The following SLC37A1 variants were observed in gnomAD, a reference collection of about 807,000 sequenced individuals.
SLC37A1 encodes solute carrier family 37 member 1.
Under a neutral mutation model 75.3 loss-of-function variants are expected in SLC37A1, and 49 were observed. The ratio of observed to expected loss-of-function variants is 0.65; its 90% CI spans 0.52 to 0.83. The LOEUF is 0.83. Ranked by LOEUF, SLC37A1 falls within the 40% of genes least tolerant of loss-of-function variation. The pLI, the probability that SLC37A1 is intolerant of heterozygous loss-of-function variation, is 0.00. For missense variants in SLC37A1, 566 were observed against 695.0 expected (o/e 0.81, Z 2.09); for synonymous variants, 268 against 292.1 (o/e 0.92, Z 0.84).
chr21:42,524,781 T>A (rs1364138364), intron 2 of SLC37A1, among the ~76,000 whole-genome samples: 1 of 152,236 alleles, frequency 6.6e-6, no homozygotes, highest in Non-Finnish European at 1.5e-5. Flanking sequence ...ATAAGAAACA[T>A]GCTTTTGGTC....
chr21:42,580,485 G>C lies in SLC37A1; in HGVS notation c.*125G>C. The stretch of plus-strand genomic sequence containing the variant: ...CCCTTTGCCTTTTGCACACGCACCT[G>C]GAAAAGACACAGAAGCCAACCTGAG... On this transcript the variant is annotated 3_prime_UTR_variant, in exon 20 of 20. Coordinates refer to ENST00000352133, the MANE Select transcript of SLC37A1 (RefSeq NM_001320537.2). 1.9e-6 allele frequency: 2 copies of C among 1,067,912 alleles called. No individual in the cohort carries two copies. Among genetic ancestry groups the C allele is most frequent in the Non-Finnish European group, 2.7e-6 (2 of 743,540 alleles). 66.2% of individuals were successfully genotyped at this position (1,067,912 alleles called of 1,614,324 possible). A position where few individuals can be genotyped will look rare whatever the true frequency, so the allele number is the denominator to read the frequency against.
chr21:42,566,889 C>T, intron 15 of SLC37A1, 96 bp from the exon 16 acceptor site: 1 of 1,254,472 alleles, frequency 8.0e-7, no homozygotes, highest in Admixed American at 2.0e-5. Flanking sequence ...TGCATCCCCT[C>T]CCTGTGCTCC....
At chr21:42,573,693 C>T (rs1016739062) in intron 17 of SLC37A1, among the ~76,000 whole-genome samples, 18 of 151,952 alleles carry the variant, frequency 1.2e-4, no homozygotes, top group Admixed American at 5.9e-4. Context: ...GTGCCTAGGG[C>T]ATGAAAGACC....
intron 6 of SLC37A1, among the ~76,000 whole-genome samples, chr21:42,540,224 G>T (rs2055242435): frequency 6.6e-6 from 1 of 152,258 alleles, no homozygotes; most frequent in African/African-American, 2.4e-5. Context: ...TTCCACCTAG[G>T]TCTGTCCACA....
chr21:42,562,784 G>A (rs2055865892), intron 12 of SLC37A1, among the ~76,000 whole-genome samples: 1 of 63,080 alleles, frequency 1.6e-5, no homozygotes, highest in Non-Finnish European at 4.0e-5. Flanking sequence ...AGAGGAAGCG[G>A]GGATGGTCCA....
intron 17 of SLC37A1, among the ~76,000 whole-genome samples, chr21:42,573,441 G>A (rs1023240137): frequency 2.0e-5 from 3 of 152,172 alleles, no homozygotes; most frequent in Non-Finnish European, 2.9e-5. Flanking sequence ...GAACACTGGA[G>A]GCTGTGTTAG....
chr21:42,558,300 GT>G (rs2055741798), intron 10 of SLC37A1, among the ~76,000 whole-genome samples: 1 of 152,118 alleles, frequency 6.6e-6, no homozygotes, highest in African/African-American at 2.4e-5. Flanking sequence ...AATAATGTTG[GT>G]GTATTTTAAA....
Position 42,563,763 on chromosome 21 carries a change from C to T in SLC37A1, c.1073-52C>T, listed in dbSNP as rs1418055393. The T allele has an allele frequency of 7.7e-6, 12 of 1,565,576 alleles. No individual in the cohort carries two copies. In the African/African-American group the frequency reaches 9.5e-5, roughly 12 times the overall value. On this transcript the variant is annotated intron_variant, in intron 12 of 19. Transcript: ENST00000352133. ...CCTGTTCTGCCATGGTGTGTCGCTG[C>T]GATGCGTGAAGGAGATCCTCACTGT...
chr21:42,503,851 G>T (rs560223648), intron 2 of SLC37A1, among the ~76,000 whole-genome samples: 16 of 152,168 alleles, frequency 1.1e-4, no homozygotes, highest in African/African-American at 3.6e-4. Flanking sequence ...TTTTAAACTG[G>T]ACTGGTAATT....
intron 17 of SLC37A1, among the ~76,000 whole-genome samples, chr21:42,574,237 A>C (rs1038316195): frequency 2.0e-5 from 3 of 152,228 alleles, no homozygotes; most frequent in Non-Finnish European, 4.4e-5. Flanking sequence ...TCTTATTCAA[A>C]TTTTACCCAG....
At chr21:42,554,443 C>G (rs2055633450) in intron 10 of SLC37A1, among the ~76,000 whole-genome samples, 1 of 152,100 alleles carries the variant, frequency 6.6e-6, no homozygotes, top group Admixed American at 6.5e-5. Context: ...GAGACATCCC[C>G]CAAGCGGTGC....
rs1213631150 is a variant in SLC37A1 at position 42,514,751 on chromosome 21, A to G, written c.-179+34A>G. On this transcript the variant is annotated intron_variant, in intron 1 of 19. Coordinates refer to ENST00000352133, the MANE Select transcript of SLC37A1 (RefSeq NM_001320537.2). This position sits in a 1 kb window ranked among gnomAD's most constrained non-coding sequence, Gnocchi z 4.8. ...AGTCTAAGGATTTGCATTTGAACGA[A>G]GGATACTGGCCAAGCCCCTTACCAC... is the stretch of plus-strand genomic sequence containing the variant. 2 of 152,188 alleles carry G rather than the reference A, an allele frequency of 1.3e-5. No homozygotes were observed. Among genetic ancestry groups the G allele is most frequent in the Non-Finnish European group, 2.9e-5 (2 of 68,050 alleles). 9.4% of individuals were successfully genotyped at this position (152,188 alleles called of 1,614,324 possible).
intron 15 of SLC37A1, among the ~76,000 whole-genome samples, chr21:42,566,570 T>C (rs1569035668): frequency 6.6e-6 from 1 of 151,562 alleles, no homozygotes; most frequent in Non-Finnish European, 1.5e-5. Flanking sequence ...CGGAATTTCC[T>C]GTGACCCCCC....
chr21:42,539,446 C>A, intron 5 of SLC37A1, 66 bp from the exon 6 acceptor site: 1 of 1,532,466 alleles, frequency 6.5e-7, no homozygotes. Context: ...CAAGAAACAG[C>A]CACGAGGTTG....
At chr21:42,527,424 T>C (rs1020629220) in intron 3 of SLC37A1, among the ~76,000 whole-genome samples, 2 of 152,098 alleles carry the variant, frequency 1.3e-5, no homozygotes, top group African/African-American at 4.8e-5. Context: ...TGTGTAGTGG[T>C]GTCCAGGCCA....
chr21:42,513,813 A>G (rs1193058420), upstream of SLC37A1: 1 of 145,000 alleles, frequency 6.9e-6, no homozygotes, highest in East Asian at 2.0e-4. Context: ...GGGCCAGGGA[A>G]AGTGAAAGGG....
upstream of SLC37A1, among the ~76,000 whole-genome samples, chr21:42,511,495 A>G (rs554279507): frequency 1.3e-4 from 20 of 152,336 alleles, no homozygotes; most frequent in Non-Finnish European, 7.3e-5. Context: ...GTACAGAAAA[A>G]CAAATATAGG....
intron 8 of SLC37A1, among the ~76,000 whole-genome samples, chr21:42,546,403 T>C (rs1314879977): frequency 1.3e-5 from 2 of 152,228 alleles, no homozygotes; most frequent in Admixed American, 6.5e-5. Flanking sequence ...TTTCATAACA[T>C]GAAATACCTC....
At chr21:42,563,925 G>A (rs374664609) in intron 13 of SLC37A1, 48 bp downstream of exon 13, 45 of 1,599,608 alleles carry the variant, frequency 2.8e-5, no homozygotes, top group Middle Eastern at 1.7e-4. Context: ...TTCGCAAGGC[G>A]CATGATCTCT....
Sources: allele counts gnomAD v4.1 joint callset (sites outside exome capture counted in the v4.1 genomes callset), GRCh38; gene constraint gnomAD v4.1.1; non-coding constraint Gnocchi (gnomAD v3.1); transcripts MANE v1.5; gene names NCBI Gene and HGNC (gene_info 2026-07-23, HGNC 2026-07-21).